MAN1C1: variants seen among roughly 807,000 people sequenced by gnomAD.
MAN1C1 encodes the protein mannosidase alpha class 1C member 1.
Under a neutral mutation model 71.5 loss-of-function variants are expected in MAN1C1, and 49 were observed. That is an observed-to-expected ratio of 0.69 (90% CI 0.54 to 0.87). The LOEUF is 0.87. MAN1C1 is among the 40% of genes least tolerant of loss of function. The pLI, the probability that MAN1C1 is intolerant of heterozygous loss-of-function variation, is 0.00. For missense variants in MAN1C1, 743 were observed against 835.0 expected, an observed-to-expected ratio of 0.89 and a Z score of 1.36; for synonymous variants, 352 against 343.7, an observed-to-expected ratio of 1.02 and a Z score of -0.27.
chr1:25,713,538 A>T (rs2982291), intron 2 of MAN1C1, among the ~76,000 whole-genome samples: 32,327 of 152,184 alleles, frequency 0.21, 5,014 homozygotes, highest in African/African-American at 0.44. Context: ...ATCTAGGCAC[A>T]GGCTCTTGAA....
At chr1:25,624,466 G>A (rs924961794) in intron 1 of MAN1C1, among the ~76,000 whole-genome samples, 1 of 152,140 alleles carries the variant, frequency 6.6e-6, no homozygotes, top group Non-Finnish European at 1.5e-5. Flanking sequence ...CAGGCAGGTG[G>A]TCAAAACAGT....
chr1:25,777,251 G>A (rs2047630760), intron 8 of MAN1C1, among the ~76,000 whole-genome samples: 1 of 152,170 alleles, frequency 6.6e-6, no homozygotes. Flanking sequence ...AAGGGCCCCA[G>A]AGGACCCCAG....
At chr1:25,691,839 C>A (rs2046313242) in intron 2 of MAN1C1, among the ~76,000 whole-genome samples, 1 of 152,218 alleles carries the variant, frequency 6.6e-6, no homozygotes, top group Non-Finnish European at 1.5e-5. Context: ...TTAGGGTTCA[C>A]AATCTTGGAA....
intron 2 of MAN1C1, among the ~76,000 whole-genome samples, chr1:25,708,386 A>G (rs1482116657): frequency 6.6e-6 from 1 of 152,220 alleles, no homozygotes; most frequent in Non-Finnish European, 1.5e-5. Context: ...ATGAGCAATG[A>G]GGACAATGGG....
rs560884267 is a variant in MAN1C1, at chr1:25,660,365, C to T, written c.541-26075C>T. Among the ~76,000 whole-genome samples the T allele has an allele frequency of 3.7e-3, 557 of 149,452 alleles. 2 individuals are homozygous for T. The highest frequency in any genetic ancestry group is 4.8e-3 in the Non-Finnish European group (324 of 67,576). The stretch of plus-strand genomic sequence containing the variant: ...GCGGTGAGCTGAGATCGCGCCATTG[C>T]ACTCTAGCTTGGGCAACAAGAGTGA... On this transcript the variant is annotated intron_variant, in intron 1 of 11. Transcript: ENST00000374332.
At position 25,617,841 on chromosome 1, in the gene MAN1C1, G is replaced by T. The variant is rs1336605741; in HGVS notation, c.44G>T (p.Trp15Leu). ...KVPGFVPASP[W>L]GLRLPQKFLF... Reference sequence around the variant, plus strand: ...CCCGGCTTCGTCCCGGCCTCCCCGTGGGGGCTGCGGCTGCCGCAGAAGTTC... The same window carrying T: ...CCCGGCTTCGTCCCGGCCTCCCCGTTGGGGCTGCGGCTGCCGCAGAAGTTC... Residue 15 changes from tryptophan to leucine, a missense_variant, in exon 1 of 12, where the codon TGG becomes TTG. Trp to Leu is a moderately conservative substitution (Grantham distance 61). Coordinates refer to ENST00000374332, the MANE Select transcript of MAN1C1 (RefSeq NM_020379.4). The surrounding 1 kb of genome is among the most constrained non-coding windows in gnomAD (Gnocchi z 5.1). 1 of 1,605,792 alleles carries T rather than the reference G, an allele frequency of 6.2e-7. No individual in the cohort carries two copies. The highest frequency in any genetic ancestry group is 1.7e-5 in the Admixed American group (1 of 59,360).
Position 25,783,667 on chromosome 1 carries a change from C to G in MAN1C1, c.1771C>G (p.Leu591Val). The G allele has an allele frequency of 6.2e-7, 1 of 1,612,210 alleles. No individual in the cohort carries two copies. Among genetic ancestry groups the G allele is most frequent in the African/African-American group, 1.3e-5 (1 of 75,050 alleles). The change falls in exon 12 of 12, where the codon CTC becomes GTC. Residue 591 changes from leucine (L) to valine (V), a missense_variant. Coordinates refer to ENST00000374332, the MANE Select transcript of MAN1C1 (RefSeq NM_020379.4). The part of the protein sequence containing the change: ...SFFLAETLKY[L>V]YLLFSEDDLL... ...CCTGCCCTGCGTGGGGCACAGGTAT[C>G]TCTATCTTCTGTTCTCTGAAGATGA...
chr1:25,662,731 A>T (rs1045010699), intron 1 of MAN1C1, among the ~76,000 whole-genome samples: 3 of 152,140 alleles, frequency 2.0e-5, no homozygotes, highest in Admixed American at 2.0e-4. Context: ...CAAGTTCAAG[A>T]CCAGCCTGGC....
Position 25,763,860 on chromosome 1 carries a change from C to T in MAN1C1, c.1048-14C>T, listed in dbSNP as rs1260217732. ...GGAAGCATGAAGGCTCACCTGGTGTCCGTCTCTCGGCAGGTCAGGAACATC... is the reference window on the plus strand; with the variant it reads ...GGAAGCATGAAGGCTCACCTGGTGTTCGTCTCTCGGCAGGTCAGGAACATC... On this transcript the variant is annotated splice_polypyrimidine_tract_variant and intron_variant, in intron 6 of 11. Transcript: ENST00000374332. The T allele has an allele frequency of 1.9e-6, 3 of 1,611,454 alleles. No individual in the cohort carries two copies. In the East Asian group the frequency reaches 6.7e-5, roughly 36 times the overall value.
chr1:25,765,706 G>T (rs2047418339), intron 7 of MAN1C1, among the ~76,000 whole-genome samples: 1 of 152,160 alleles, frequency 6.6e-6, no homozygotes, highest in African/African-American at 2.4e-5. Flanking sequence ...TGTCCCAAAA[G>T]GGAACAATGC....
rs1408972271 is a variant in MAN1C1 at position 25,629,301 on chromosome 1, GTTGTGGTTTTAATTTGCA to G, written c.540+10985_540+11002del. Among the ~76,000 whole-genome samples, 5 of 152,248 alleles carry G rather than the reference GTTGTGGTTTTAATTTGCA, an allele frequency of 3.3e-5. No homozygotes were observed. In the South Asian group the frequency reaches 6.2e-4, roughly 19 times the overall value. On this transcript the variant is annotated intron_variant, in intron 1 of 11. Transcript: ENST00000374332. ...GTAATGTCATTCTTGCAGGAGTAAG[GTTGTGGTTTTAATTTGCA>G]TTGTGGTTTTAATTTGCATTTCCCT... is the stretch of plus-strand genomic sequence containing the variant.
intron 1 of MAN1C1, among the ~76,000 whole-genome samples, chr1:25,679,748 G>A (rs1474647569): frequency 6.6e-6 from 1 of 151,464 alleles, no homozygotes; most frequent in Admixed American, 6.6e-5. Flanking sequence ...TATAATATAT[G>A]TATACACATG....
intron 10 of MAN1C1, among the ~76,000 whole-genome samples, chr1:25,781,441 G>A (rs1000971445): frequency 6.6e-6 from 1 of 152,120 alleles, no homozygotes; most frequent in East Asian, 1.9e-4. Context: ...CGCGGCCACC[G>A]CTGTCCCAAC....
intron 2 of MAN1C1, among the ~76,000 whole-genome samples, chr1:25,702,022 G>T (rs1267220): frequency 0.24 from 35,460 of 150,742 alleles, 6,889 homozygotes; most frequent in African/African-American, 0.53. Context: ...ATCTCACCGC[G>T]GCACTCCAGC....
At chr1:25,760,205 C>A (rs41291114) in intron 6 of MAN1C1, 1 of 152,238 alleles carries the variant, frequency 6.6e-6, no homozygotes, top group Non-Finnish European at 1.5e-5. Flanking sequence ...AATGGCTCTA[C>A]TCTTCCCAAC....
rs964721480 is a variant in MAN1C1 at position 25,779,821 on chromosome 1, C to T, written c.1478-1119C>T. ...GCAGGAAGTCCTGCAAACCTCTAAC[C>T]CCTGCCTCTAAAGTAAAAGCAACCT... On this transcript the variant is annotated intron_variant, in intron 9 of 11. Coordinates refer to ENST00000374332, the MANE Select transcript of MAN1C1 (RefSeq NM_020379.4). This position sits in a 1 kb window ranked among gnomAD's most constrained non-coding sequence, Gnocchi z 4.6. Among the ~76,000 whole-genome samples the T allele has an allele frequency of 6.6e-6, 1 of 152,188 alleles. No homozygotes were observed. Among genetic ancestry groups the T allele is most frequent in the African/African-American group, 2.4e-5 (1 of 41,448 alleles).
intron 2 of MAN1C1, among the ~76,000 whole-genome samples, chr1:25,733,470 T>G (rs2046937974): frequency 6.6e-6 from 1 of 152,176 alleles, no homozygotes; most frequent in Admixed American, 6.5e-5. Context: ...GCCGTGCCCT[T>G]GGCCCCTTTC....
At chr1:25,751,248 T>G (rs902420743) in intron 4 of MAN1C1, among the ~76,000 whole-genome samples, 1 of 152,108 alleles carries the variant, frequency 6.6e-6, no homozygotes, top group Non-Finnish European at 1.5e-5. Context: ...CATCCATCTT[T>G]TCTTCTGTCC....
chr1:25,632,907 C>G (rs1179465044), intron 1 of MAN1C1, among the ~76,000 whole-genome samples: 1 of 135,638 alleles, frequency 7.4e-6, no homozygotes, highest in Non-Finnish European at 1.5e-5. Flanking sequence ...CTTGCTCTGT[C>G]ACCAGTCTGG....
Sources: allele counts gnomAD v4.1 joint callset (sites outside exome capture counted in the v4.1 genomes callset), GRCh38; gene constraint gnomAD v4.1.1; non-coding constraint Gnocchi (gnomAD v3.1); transcripts MANE v1.5; gene names NCBI Gene and HGNC (gene_info 2026-07-23, HGNC 2026-07-21).